PCDHA6: variants seen among roughly 807,000 people sequenced by gnomAD.
The protein encoded by PCDHA6 is protocadherin alpha-6.
A neutral mutation model predicts 60.3 loss-of-function variants in PCDHA6; 55 were observed. The ratio of observed to expected loss-of-function variants is 0.91; its 90% CI spans 0.73 to 1.14. PCDHA6 has a LOEUF of 1.14. Among genes scored for constraint, PCDHA6 ranks in the 50% most tolerant of loss-of-function variants. The pLI is 0.00. For missense variants in PCDHA6, 1,327 were observed against 1,256.5 expected (o/e 1.06, Z -0.85); for synonymous variants, 652 against 557.9 (o/e 1.17, Z -2.38).
At chr5:140,967,425 C>T in intron 1 of PCDHA6, 1 of 1,613,294 alleles carries the variant, frequency 6.2e-7, no homozygotes, top group Non-Finnish European at 8.5e-7. Flanking sequence ...CGGGAGCAGG[C>T]AGCCTTGCAC....
intron 1 of PCDHA6, among the ~76,000 whole-genome samples, chr5:140,936,386 A>C (rs1321919652): frequency 6.6e-6 from 1 of 152,190 alleles, no homozygotes; most frequent in African/African-American, 2.4e-5. Context: ...GTGGCTAGTG[A>C]AACTGGGCTA....
At chr5:140,900,058 C>G (rs1013599044) in intron 1 of PCDHA6, among the ~76,000 whole-genome samples, 1 of 152,160 alleles carries the variant, frequency 6.6e-6, no homozygotes, top group Non-Finnish European at 1.5e-5. Flanking sequence ...GATCCTTTAA[C>G]CTCAGCCTCC....
At chr5:140,846,369 C>CTTTTTTTTTTT (rs797033964) in intron 1 of PCDHA6, among the ~76,000 whole-genome samples, 5 of 102,192 alleles carry the variant, frequency 4.9e-5, no homozygotes, top group African/African-American at 7.6e-5. Context: ...TCTTTTCTTT[C>CTTTTTTTTTTT]TTTCTTTTTT....
At chr5:140,851,779 T>A in intron 1 of PCDHA6, 1 of 965,446 alleles carries the variant, frequency 1.0e-6, no homozygotes, top group South Asian at 4.8e-5. Flanking sequence ...TGAATTTAGA[T>A]GAGAATTCAC....
chr5:140,967,477 C>T (rs782240426), intron 1 of PCDHA6: 1 of 1,613,396 alleles, frequency 6.2e-7, no homozygotes, highest in Non-Finnish European at 8.5e-7. Flanking sequence ...TCCCAGCCCG[C>T]TCGGGTACGG....
chr5:140,830,066 C>G lies in PCDHA6; in HGVS notation c.1975C>G (p.Leu659Val), dbSNP rs1770795719. The G allele has an allele frequency of 6.2e-7, 1 of 1,613,706 alleles. No individual in the cohort carries two copies. The highest frequency in any genetic ancestry group is 8.5e-7 in the Non-Finnish European group (1 of 1,179,882). ...VLVKDHGEPA[L>V]TATATVLVSL... ...GGTGAAAGACCACGGTGAGCCGGCG[C>G]TGACAGCGACGGCCACGGTTCTGGT... Residue 659 changes from leucine to valine, a missense_variant, in exon 1 of 4, where the codon CTG becomes GTG. Physicochemically the swap from Leu to Val is conservative, Grantham distance 32. Coordinates refer to ENST00000529310, the MANE Select transcript of PCDHA6 (RefSeq NM_018909.4).
At chr5:140,975,206 T>G (rs2096657939) in intron 1 of PCDHA6, among the ~76,000 whole-genome samples, 1 of 152,232 alleles carries the variant, frequency 6.6e-6, no homozygotes, top group African/African-American at 2.4e-5. Context: ...TCTTCATGGC[T>G]GGCACTGGAG....
At chr5:140,836,667 G>T in intron 1 of PCDHA6, 1 of 1,613,396 alleles carries the variant, frequency 6.2e-7, no homozygotes, top group Non-Finnish European at 8.5e-7. Context: ...GTGCTCTGGG[G>T]AGGGCCCACC....
intron 1 of PCDHA6, among the ~76,000 whole-genome samples, chr5:140,855,727 T>A (rs782065766): frequency 6.7e-6 from 1 of 149,598 alleles, no homozygotes; most frequent in Admixed American, 6.7e-5. Context: ...TGTTATTAAC[T>A]ATAAAGAGAC....
Position 140,856,421 on chromosome 5 carries a change from A to T in PCDHA6, c.2394+25936A>T, listed in dbSNP as rs1554148675. 3.8e-6 allele frequency: 6 copies of T among 1,598,490 alleles called. No individual in the cohort carries two copies. In the South Asian group the frequency reaches 6.6e-5, roughly 18 times the overall value. On this transcript the variant is annotated intron_variant, in intron 1 of 3. Coordinates refer to ENST00000529310, the MANE Select transcript of PCDHA6 (RefSeq NM_018909.4). ...CCATGTGGACGTGGAAGTGAAGGACATTAACGACAACCCGCCCAGGTTCTC... is the reference window on the plus strand; with the variant it reads ...CCATGTGGACGTGGAAGTGAAGGACTTTAACGACAACCCGCCCAGGTTCTC...
At chr5:140,904,436 T>C (rs1554191522) in intron 1 of PCDHA6, among the ~76,000 whole-genome samples, 1 of 151,240 alleles carries the variant, frequency 6.6e-6, no homozygotes, top group Admixed American at 6.6e-5. Flanking sequence ...TATATATGTA[T>C]ATTACAATTT....
At chr5:140,917,495 AATG>A (rs1391932074) in intron 1 of PCDHA6, among the ~76,000 whole-genome samples, 1 of 152,174 alleles carries the variant, frequency 6.6e-6, no homozygotes, top group Non-Finnish European at 1.5e-5. Flanking sequence ...CTATGCCCAG[AATG>A]ATATTTTCTA....
At position 140,945,942 on chromosome 5, in the gene PCDHA6, A is replaced by G. The variant is rs534164272; in HGVS notation, c.2395-33007A>G. 2.0e-5 allele frequency among the ~76,000 whole-genome samples: 3 copies of G among 152,196 alleles called. No individual in the cohort carries two copies. In the South Asian group the frequency reaches 6.2e-4, roughly 32 times the overall value. ...ACTGATCTGAGCAATGATGTTTTTT[A>G]TATGACCCTGAAAGCACAGGCAATA... On this transcript the variant is annotated intron_variant, in intron 1 of 3. Coordinates refer to ENST00000529310, the MANE Select transcript of PCDHA6 (RefSeq NM_018909.4).
chr5:140,920,692 A>T (rs552577858), intron 1 of PCDHA6, among the ~76,000 whole-genome samples: 7 of 152,114 alleles, frequency 4.6e-5, no homozygotes, highest in Non-Finnish European at 7.4e-5. Flanking sequence ...AAAAATACAA[A>T]CATTAGCTTG....
chr5:140,875,517 G>A (rs2055556431), intron 1 of PCDHA6: 7 of 1,614,024 alleles, frequency 4.3e-6, no homozygotes, highest in Non-Finnish European at 5.9e-6. Flanking sequence ...AGCGTCTGCT[G>A]CTCTCGCTTC....
intron 1 of PCDHA6, chr5:140,876,770 C>T (rs2056573777): frequency 6.2e-7 from 1 of 1,614,248 alleles, no homozygotes; most frequent in Non-Finnish European, 8.5e-7. Context: ...GGGGGCTCGC[C>T]TTCGCTGTGG....
chr5:140,966,205 CT>C, intron 1 of PCDHA6: 1 of 226,680 alleles, frequency 4.4e-6, no homozygotes. Flanking sequence ...GGCTTGACTG[CT>C]TTTCCCAGAC....
chr5:140,863,109 G>A, intron 1 of PCDHA6: 1 of 584,624 alleles, frequency 1.7e-6, no homozygotes, highest in Non-Finnish European at 3.4e-6. Flanking sequence ...CCCTGGACGA[G>A]GCGAAAGCTA....
At chr5:140,962,564 G>A (rs1224952009) in intron 1 of PCDHA6, among the ~76,000 whole-genome samples, 2 of 152,124 alleles carry the variant, frequency 1.3e-5, no homozygotes, top group Non-Finnish European at 2.9e-5. Context: ...CCCCCTAAAA[G>A]CCAATTGTTA....
Sources: allele counts gnomAD v4.1 joint callset (sites outside exome capture counted in the v4.1 genomes callset), GRCh38; gene constraint gnomAD v4.1.1; transcripts MANE v1.5; gene names NCBI Gene and HGNC (gene_info 2026-07-23, HGNC 2026-07-21).